ZFPM1: variants seen among roughly 807,000 people sequenced by gnomAD.
The protein encoded by ZFPM1 is zinc finger protein, FOG family member 1, also known as zinc finger protein ZFPM1.
Under a neutral mutation model 46.3 loss-of-function variants are expected in ZFPM1, and 28 were observed. The observed-to-expected ratio is 0.60, with a 90% CI of 0.45 to 0.83. The LOEUF (loss-of-function observed/expected upper bound fraction) is 0.83. Ranked by LOEUF, ZFPM1 falls within the 40% of genes least tolerant of loss-of-function variation. The pLI, the probability that ZFPM1 is intolerant of heterozygous loss-of-function variation, is 0.00. For synonymous variants in ZFPM1, 957 were observed against 675.9 expected, an observed-to-expected ratio of 1.42 and a Z score of -6.45; for missense variants, 1,878 against 1,432.4, an observed-to-expected ratio of 1.31 and a Z score of -5.02.
In ZFPM1 at chr16:88,515,777, G is replaced by A. The variant is rs1233980125; in HGVS notation, c.402+1257G>A. On this transcript the variant is annotated intron_variant, in intron 4 of 9. Coordinates refer to ENST00000319555, the MANE Select transcript of ZFPM1 (RefSeq NM_153813.3). The stretch of plus-strand genomic sequence containing the variant: ...GAGCCACATTTCAGCTCCACCACAG[G>A]AAGGAAGCCATGGTGTTTAGAGCTG... 2.6e-5 allele frequency among the ~76,000 whole-genome samples: 4 copies of A among 152,240 alleles called. No individual in the cohort carries two copies. The East Asian group carries it at 5.8e-4, about 22-fold the overall frequency.
chr16:88,527,073 C>G (rs1204160268), intron 5 of ZFPM1, among the ~76,000 whole-genome samples, 157 bp downstream of exon 5: 1 of 150,046 alleles, frequency 6.7e-6, no homozygotes, highest in Non-Finnish European at 1.5e-5. Flanking sequence ...GAGGCAGACA[C>G]TCTACTGGGA....
intron 1 of ZFPM1, among the ~76,000 whole-genome samples, chr16:88,462,821 T>C (rs993712537): frequency 6.8e-6 from 1 of 147,490 alleles, no homozygotes; most frequent in African/African-American, 2.4e-5. Context: ...TCAGCCACCC[T>C]GAGCCTCAGT....
At chr16:88,516,499 T>C (rs1911307241) in intron 4 of ZFPM1, 1 of 398,634 alleles carries the variant, frequency 2.5e-6, no homozygotes, top group Non-Finnish European at 4.4e-6. Flanking sequence ...CGCTCCACTC[T>C]TCCCTCCTCT....
chr16:88,511,736 T>C (rs911271615), intron 3 of ZFPM1, among the ~76,000 whole-genome samples: 7 of 152,300 alleles, frequency 4.6e-5, no homozygotes, highest in Admixed American at 4.6e-4. Context: ...ACGGCCTCTA[T>C]GTTCAGTTGC....
intron 1 of ZFPM1, among the ~76,000 whole-genome samples, chr16:88,485,654 G>A (rs1210778392): frequency 6.6e-6 from 1 of 151,778 alleles, no homozygotes; most frequent in Non-Finnish European, 1.5e-5. Context: ...TGCCCAGGCT[G>A]CTCTCAAACT....
chr16:88,473,518 G>A lies in ZFPM1; in HGVS notation c.41-12421G>A, dbSNP rs1224006648. 5.9e-5 allele frequency among the ~76,000 whole-genome samples: 9 copies of A among 152,328 alleles called. No homozygotes were observed. In the East Asian group the frequency reaches 1.2e-3, roughly 20 times the overall value. The stretch of plus-strand genomic sequence containing the variant: ...GGCCATGACGGCCCCGCTGCCCCGG[G>A]GTCTGGGTGCTGCGCCCCACTTCTC... On this transcript the variant is annotated intron_variant, in intron 1 of 9. Coordinates refer to ENST00000319555, the MANE Select transcript of ZFPM1 (RefSeq NM_153813.3).
chr16:88,521,408 G>A (rs889656636), intron 4 of ZFPM1, among the ~76,000 whole-genome samples: 2 of 151,948 alleles, frequency 1.3e-5, no homozygotes, highest in Non-Finnish European at 2.9e-5. Context: ...AGACCCTGTG[G>A]TGCCTCCAGG....
chr16:88,452,696 G>C (rs970240745), upstream of ZFPM1, among the ~76,000 whole-genome samples: 1 of 152,272 alleles, frequency 6.6e-6, no homozygotes, highest in Non-Finnish European at 1.5e-5. Flanking sequence ...TGGAGCGTGC[G>C]GCAGAGCCCA....
intron 3 of ZFPM1, among the ~76,000 whole-genome samples, chr16:88,502,626 G>A (rs561243974): frequency 5.9e-5 from 9 of 152,168 alleles, no homozygotes; most frequent in African/African-American, 1.9e-4. Context: ...CCCCCTAGCC[G>A]AGGGTCCCCA....
At chr16:88,509,303 G>A (rs1187618539) in intron 3 of ZFPM1, among the ~76,000 whole-genome samples, 1 of 152,246 alleles carries the variant, frequency 6.6e-6, no homozygotes, top group Non-Finnish European at 1.5e-5. Flanking sequence ...GACCCAGCTG[G>A]CCTATGGGAG....
intron 1 of ZFPM1, among the ~76,000 whole-genome samples, chr16:88,477,574 G>C (rs1908744321): frequency 6.6e-6 from 1 of 152,206 alleles, no homozygotes; most frequent in Non-Finnish European, 1.5e-5. Flanking sequence ...ATGAACCTGT[G>C]GTCCCAGCTA....
At chr16:88,501,023 G>T (rs945702498) in intron 3 of ZFPM1, among the ~76,000 whole-genome samples, 1 of 151,890 alleles carries the variant, frequency 6.6e-6, no homozygotes, top group Non-Finnish European at 1.5e-5. Flanking sequence ...ACCTCCTCCT[G>T]CCCAGGAGGG....
intron 4 of ZFPM1, among the ~76,000 whole-genome samples, chr16:88,520,807 G>A (rs1160325874): frequency 1.7e-5 from 2 of 116,430 alleles, no homozygotes; most frequent in Non-Finnish European, 3.7e-5. Context: ...ATGGATGGGT[G>A]GGTGGATGGA....
At position 88,481,572 on chromosome 16, in the gene ZFPM1, C is replaced by T. The variant is rs149645078; in HGVS notation, c.41-4367C>T. On this transcript the variant is annotated intron_variant, in intron 1 of 9. Transcript: ENST00000319555. ...ATGTGGTTGGCGAGTGGGATTTCCA[C>T]GATGGCTGCCCCCAAGGTCCTGCTT... is the stretch of plus-strand genomic sequence containing the variant. Among the ~76,000 whole-genome samples, 306 of 152,204 alleles carry T rather than the reference C, an allele frequency of 2.0e-3. 14 individuals are homozygous for T. In the East Asian group the frequency reaches 0.045, roughly 22 times the overall value.
At chr16:88,523,226 G>A (rs143952772) in intron 4 of ZFPM1, among the ~76,000 whole-genome samples, 3,316 of 151,576 alleles carry the variant, frequency 0.022, 120 homozygotes, top group African/African-American at 0.076. Context: ...AAAAAAATAG[G>A]CCCCCTTCCC....
intron 1 of ZFPM1, among the ~76,000 whole-genome samples, chr16:88,462,645 C>T (rs1161992450): frequency 4.6e-5 from 7 of 152,330 alleles, no homozygotes; most frequent in African/African-American, 1.7e-4. Flanking sequence ...GGGAGCTTCC[C>T]TGTGGGCCGC....
intron 3 of ZFPM1, among the ~76,000 whole-genome samples, chr16:88,499,706 A>C: frequency 6.6e-6 from 1 of 152,168 alleles, no homozygotes; most frequent in East Asian, 1.9e-4. Flanking sequence ...CAGTGTCCCC[A>C]TTCACAGATG....
At chr16:88,498,841 C>G (rs1910089010) in intron 3 of ZFPM1, among the ~76,000 whole-genome samples, 1 of 152,226 alleles carries the variant, frequency 6.6e-6, no homozygotes, top group South Asian at 2.1e-4. Context: ...TGGCCTGACC[C>G]TGGGTCGTTG....
chr16:88,483,737 C>A (rs954990842), intron 1 of ZFPM1, among the ~76,000 whole-genome samples: 9 of 152,204 alleles, frequency 5.9e-5, no homozygotes, highest in Non-Finnish European at 8.8e-5. Context: ...GCACCTAGCC[C>A]TCGGGTGTCA....
Sources: allele counts gnomAD v4.1 joint callset (sites outside exome capture counted in the v4.1 genomes callset), GRCh38; gene constraint gnomAD v4.1.1; transcripts MANE v1.5; gene names NCBI Gene and HGNC (gene_info 2026-07-23, HGNC 2026-07-21).